HS2ST1: variants seen among roughly 807,000 people sequenced by gnomAD.
HS2ST1 encodes 2-O-sulfotransferase.
In HS2ST1, 18 loss-of-function variants were observed where a neutral mutation model predicts 42.9. The ratio of observed to expected loss-of-function variants is 0.42; its 90% CI spans 0.29 to 0.62. The LOEUF (loss-of-function observed/expected upper bound fraction) is 0.62, where lower values mean the gene tolerates loss of function less well. Among genes scored for constraint, HS2ST1 ranks in the 20% least tolerant of loss-of-function variants. The probability of loss-of-function intolerance (pLI) is 0.21; values close to 1 mark genes in which losing one functional copy is unlikely to be tolerated. For synonymous variants in HS2ST1, 146 were observed against 152.9 expected, an observed-to-expected ratio of 0.95 and a Z score of 0.33; for missense variants, 334 against 433.8, an observed-to-expected ratio of 0.77 and a Z score of 2.04.
At chr1:86,976,337 A>G (rs1648398261) in intron 1 of HS2ST1, among the ~76,000 whole-genome samples, 1 of 152,146 alleles carries the variant, frequency 6.6e-6, no homozygotes, top group Non-Finnish European at 1.5e-5. Flanking sequence ...TTTATCTGCC[A>G]TCGAAGTGAT....
At chr1:87,098,948 T>G (rs1652134951) in intron 5 of HS2ST1, among the ~76,000 whole-genome samples, 1 of 152,120 alleles carries the variant, frequency 6.6e-6, no homozygotes, top group South Asian at 2.1e-4. Flanking sequence ...TGGCTAATTT[T>G]TGTATTTTTA....
intron 1 of HS2ST1, among the ~76,000 whole-genome samples, chr1:86,989,427 A>G (rs971986465): frequency 3.3e-5 from 5 of 152,164 alleles, no homozygotes; most frequent in Admixed American, 1.3e-4. Context: ...TGCAGATTCA[A>G]TTTTTTTAAA....
At chr1:86,985,921 T>C (rs1027315187) in intron 1 of HS2ST1, among the ~76,000 whole-genome samples, 1 of 152,166 alleles carries the variant, frequency 6.6e-6, no homozygotes, top group South Asian at 2.1e-4. Flanking sequence ...CCTGTGTTTT[T>C]GTTTTTTGAA....
At chr1:86,950,168 A>G (rs888555364) in intron 1 of HS2ST1, among the ~76,000 whole-genome samples, 2 of 152,254 alleles carry the variant, frequency 1.3e-5, no homozygotes, top group Non-Finnish European at 2.9e-5. Flanking sequence ...GACGTTACGT[A>G]TTCCTTGATA....
At chr1:86,928,853 T>C (rs1229463736) in intron 1 of HS2ST1, among the ~76,000 whole-genome samples, 2 of 151,978 alleles carry the variant, frequency 1.3e-5, no homozygotes, top group African/African-American at 2.4e-5. Context: ...GGGATATGTA[T>C]GACTTTTGCA....
intron 1 of HS2ST1, chr1:86,934,558 G>A (rs61800753): frequency 0.24 from 36,257 of 152,244 alleles, 5,086 homozygotes; most frequent in African/African-American, 0.38. Context: ...GTGGTTTTCT[G>A]TAGTCACATC....
intron 3 of HS2ST1, among the ~76,000 whole-genome samples, chr1:87,085,398 C>G (rs1651796777): frequency 6.6e-6 from 1 of 152,058 alleles, no homozygotes; most frequent in African/African-American, 2.4e-5. Context: ...CTGATTCAAA[C>G]TGATAATCTT....
chr1:87,034,278 T>C (rs1436846983), intron 1 of HS2ST1, among the ~76,000 whole-genome samples: 5 of 152,168 alleles, frequency 3.3e-5, no homozygotes, highest in Admixed American at 2.6e-4. Context: ...TACAAGAGAA[T>C]AGCAAATTTA....
chr1:87,003,963 T>C (rs1649362844), intron 1 of HS2ST1, among the ~76,000 whole-genome samples: 1 of 152,164 alleles, frequency 6.6e-6, no homozygotes, highest in African/African-American at 2.4e-5. Flanking sequence ...ATGTAATTGT[T>C]TGTTTTTTAG....
At chr1:86,980,660 A>T (rs1648551404) in intron 1 of HS2ST1, among the ~76,000 whole-genome samples, 1 of 152,206 alleles carries the variant, frequency 6.6e-6, no homozygotes, top group Admixed American at 6.5e-5. Flanking sequence ...TGCCAAGTAA[A>T]TCCAGGGCTT....
chr1:87,090,775 T>G (rs1359204577), intron 3 of HS2ST1, among the ~76,000 whole-genome samples: 1 of 151,944 alleles, frequency 6.6e-6, no homozygotes, highest in African/African-American at 2.4e-5. Context: ...ACCTCTCTTA[T>G]CTTCCATGGT....
intron 1 of HS2ST1, among the ~76,000 whole-genome samples, chr1:86,923,949 A>G (rs992967133): frequency 5.3e-5 from 8 of 152,150 alleles, no homozygotes; most frequent in Admixed American, 2.6e-4. Flanking sequence ...GTCTTAACTC[A>G]TTTCAACATT....
chr1:87,030,388 C>T (rs1332070004), intron 1 of HS2ST1, among the ~76,000 whole-genome samples: 3 of 152,058 alleles, frequency 2.0e-5, no homozygotes, highest in Non-Finnish European at 4.4e-5. Flanking sequence ...GTCCTAGATA[C>T]TTGGGAGGCT....
At chr1:86,946,619 T>C (rs1196059135) in intron 1 of HS2ST1, among the ~76,000 whole-genome samples, 2 of 152,208 alleles carry the variant, frequency 1.3e-5, no homozygotes, top group Non-Finnish European at 2.9e-5. Flanking sequence ...GAAATCCGCT[T>C]GGCTGAAGAG....
chr1:86,952,777 A>G (rs962590450), intron 1 of HS2ST1, among the ~76,000 whole-genome samples: 25 of 152,210 alleles, frequency 1.6e-4, no homozygotes, highest in Non-Finnish European at 1.0e-4. Flanking sequence ...AGGTGCTATC[A>G]GCTAGCTAGT....
intron 1 of HS2ST1, among the ~76,000 whole-genome samples, chr1:87,054,363 T>C (rs3929937): frequency 0.93 from 141,796 of 152,140 alleles, 66,135 homozygotes; most frequent in East Asian, 0.99. Flanking sequence ...GCTTGGTTAC[T>C]TCCTTGTCCA....
intron 1 of HS2ST1, among the ~76,000 whole-genome samples, chr1:86,944,789 A>G (rs1350412633): frequency 6.6e-6 from 1 of 152,094 alleles, no homozygotes; most frequent in Non-Finnish European, 1.5e-5. Context: ...CTAAATCTGC[A>G]TAGAACCATG....
chr1:87,077,071 G>A (rs1397931012), intron 2 of HS2ST1, among the ~76,000 whole-genome samples: 6 of 152,122 alleles, frequency 3.9e-5, no homozygotes, highest in Non-Finnish European at 8.8e-5. Flanking sequence ...GGACCAAGAT[G>A]GAGCCCAGTT....
At chr1:87,080,088 G>A (rs1363108807) in intron 2 of HS2ST1, among the ~76,000 whole-genome samples, 2 of 151,978 alleles carry the variant, frequency 1.3e-5, no homozygotes, top group Admixed American at 1.3e-4. Flanking sequence ...GAATTTTAAA[G>A]CAATAATAAT....
Sources: gnomAD v4.1 joint callset for allele counts (sites outside exome capture counted in the v4.1 genomes callset) on GRCh38, gnomAD v4.1.1 for gene constraint, MANE v1.5 for transcripts, NCBI Gene and HGNC (gene_info 2026-07-23, HGNC 2026-07-21) for gene names.